The following GATA4 variants were observed in gnomAD, a reference collection of about 807,000 sequenced individuals.
The protein encoded by GATA4 is transcription factor GATA-4.
A neutral mutation model predicts 37.9 loss-of-function variants in GATA4; 7 were observed. That is an observed-to-expected ratio of 0.18 (90% CI 0.11 to 0.35). GATA4 has a LOEUF of 0.35. GATA4 is among the 10% of genes least tolerant of loss of function. GATA4 has a pLI of 1.00. For synonymous variants in GATA4, 372 were observed against 292.6 expected (o/e 1.27, Z -2.77); for missense variants, 647 against 653.0 (o/e 0.99, Z 0.10).
chr8:11,747,419 G>A (rs993099399), intron 2 of GATA4, among the ~76,000 whole-genome samples: 1 of 152,200 alleles, frequency 6.6e-6, no homozygotes, highest in Non-Finnish European at 1.5e-5. Context: ...GCAGACCCCG[G>A]CAGCCTTGTG....
Position 11,718,930 on chromosome 8 carries a change from C to G in GATA4, c.616+10002C>G, listed in dbSNP as rs563515773. 2.8e-4 allele frequency among the ~76,000 whole-genome samples: 42 copies of G among 152,332 alleles called. 1 individual carries two copies. The South Asian group carries it at 7.9e-3, about 29-fold the overall frequency. On this transcript the variant is annotated intron_variant, in intron 2 of 6. Coordinates refer to ENST00000532059, the MANE Select transcript of GATA4 (RefSeq NM_001308093.3). ...CCAGGAGGCGCTCATTGACCCATTC[C>G]GAGCAGGTGTGGGAGTTTGAACCAG...
intron 2 of GATA4, among the ~76,000 whole-genome samples, chr8:11,711,178 T>C (rs1182205242): frequency 6.6e-6 from 1 of 152,186 alleles, no homozygotes; most frequent in Non-Finnish European, 1.5e-5. Flanking sequence ...AGCCATGCCA[T>C]GTAGAGGTTG....
upstream of GATA4, among the ~76,000 whole-genome samples, chr8:11,701,963 C>T (rs1799691272): frequency 6.6e-6 from 1 of 152,206 alleles, no homozygotes. Flanking sequence ...GGCGTTCCCA[C>T]CCAGCGGTGT....
chr8:11,734,636 A>C (rs1421356789), intron 2 of GATA4, among the ~76,000 whole-genome samples: 1 of 152,118 alleles, frequency 6.6e-6, no homozygotes, highest in Non-Finnish European at 1.5e-5. Flanking sequence ...ACAGGCATGC[A>C]CCACCATGCT....
upstream of GATA4, among the ~76,000 whole-genome samples, chr8:11,688,634 G>C (rs1016431053): frequency 6.6e-6 from 1 of 152,198 alleles, no homozygotes; most frequent in African/African-American, 2.4e-5. Flanking sequence ...TGTGTGCATG[G>C]GGACAGGAGG....
chr8:11,697,922 C>T (rs948787408), intron 1 of GATA4: 6 of 985,500 alleles, frequency 6.1e-6, no homozygotes, highest in Non-Finnish European at 7.2e-6. Flanking sequence ...CCACCAGTCC[C>T]CTGATGTGCG....
intron 1 of GATA4, among the ~76,000 whole-genome samples, chr8:11,683,811 C>T (rs1397397731): frequency 6.6e-6 from 1 of 152,180 alleles, no homozygotes; most frequent in Non-Finnish European, 1.5e-5. Flanking sequence ...TGCAGGAATC[C>T]CTCCCCACAA....
intron 2 of GATA4, among the ~76,000 whole-genome samples, chr8:11,716,488 C>G (rs974698302): frequency 3.9e-5 from 6 of 152,196 alleles, no homozygotes; most frequent in African/African-American, 1.2e-4. Context: ...AAACCATCCT[C>G]AGTGGCAATC....
At chr8:11,697,552 TC>T in intron 1 of GATA4, 1 of 985,036 alleles carries the variant, frequency 1.0e-6, no homozygotes. Context: ...CACTTTCCCC[TC>T]CACCGCCAGG....
At position 11,687,079 on chromosome 8, in the gene GATA4, G is replaced by C. The variant is rs192124140; in HGVS notation, c.-274+10016G>C. Among the ~76,000 whole-genome samples, 422 of 152,228 alleles carry C rather than the reference G, an allele frequency of 2.8e-3. 3 individuals are homozygous for C. Among genetic ancestry groups the C allele is most frequent in the African/African-American group, 9.7e-3 (401 of 41,524 alleles). On this transcript the variant is annotated intron_variant, in intron 1 of 6. Transcript: ENST00000528712. ...GGGGATTAACTCCAAAGCCTGAGCAGACATCTGTGTTCTTGATGTGCAGAG... is the reference window on the plus strand; with the variant it reads ...GGGGATTAACTCCAAAGCCTGAGCACACATCTGTGTTCTTGATGTGCAGAG...
intron 2 of GATA4, among the ~76,000 whole-genome samples, chr8:11,738,180 CAAAAAAAAA>C (rs35759534): frequency 2.4e-5 from 2 of 82,444 alleles, no homozygotes; most frequent in Non-Finnish European, 5.9e-5. Context: ...GACTCTGTCT[CAAAAAAAAA>C]AAAAAAAAAT....
upstream of GATA4, among the ~76,000 whole-genome samples, chr8:11,699,459 A>T (rs960415854): frequency 4.6e-5 from 7 of 152,190 alleles, no homozygotes. Context: ...CAGTCTGGGA[A>T]CCAGACTCCC....
chr8:11,699,266 G>A (rs908218413), upstream of GATA4, among the ~76,000 whole-genome samples: 4 of 152,200 alleles, frequency 2.6e-5, no homozygotes, highest in African/African-American at 9.7e-5. Flanking sequence ...CATTTTACTA[G>A]TCCAGGGATG....
upstream of GATA4, among the ~76,000 whole-genome samples, chr8:11,700,965 A>G (rs1273364002): frequency 6.6e-6 from 1 of 152,228 alleles, no homozygotes; most frequent in African/African-American, 2.4e-5. Context: ...TCGGCGCTGG[A>G]AAACCATCAG....
chr8:11,751,981 T>C (rs961445295), intron 4 of GATA4, among the ~76,000 whole-genome samples: 1 of 152,218 alleles, frequency 6.6e-6, no homozygotes, highest in African/African-American at 2.4e-5. Flanking sequence ...TGATGACCTT[T>C]GAACCATTTA....
At chr8:11,747,133 G>C (rs1802070846) in intron 2 of GATA4, among the ~76,000 whole-genome samples, 1 of 152,210 alleles carries the variant, frequency 6.6e-6, no homozygotes, top group Admixed American at 6.5e-5. Context: ...CTTCACTAGA[G>C]AAAAATCTGC....
chr8:11,711,762 A>C lies in GATA4; in HGVS notation c.616+2834A>C, dbSNP rs1054046245. 4.0e-4 allele frequency among the ~76,000 whole-genome samples: 61 copies of C among 151,972 alleles called. 1 individual carries two copies. Among genetic ancestry groups the C allele is most frequent in the African/African-American group, 1.4e-3 (56 of 41,448 alleles). ...GACCCTCTCTCAAAAAAAAAAAAAA[A>C]AAAAAAAAAACCAGTGCATGTGAAT... On this transcript the variant is annotated intron_variant, in intron 2 of 6. Coordinates refer to ENST00000532059, the MANE Select transcript of GATA4 (RefSeq NM_001308093.3).
chr8:11,710,647 GC>G (rs1196893860), intron 2 of GATA4, among the ~76,000 whole-genome samples: 15 of 125,974 alleles, frequency 1.2e-4, no homozygotes, highest in Admixed American at 4.9e-4. Flanking sequence ...CCGAGATCGC[GC>G]CACTGCACTC....
chr8:11,696,630 C>T (rs937601711), intron 1 of GATA4, among the ~76,000 whole-genome samples: 1 of 152,198 alleles, frequency 6.6e-6, no homozygotes, highest in African/African-American at 2.4e-5. Flanking sequence ...ATATTTAGCT[C>T]TTCTTGTCCT....
Sources: allele counts gnomAD v4.1 joint callset (sites outside exome capture counted in the v4.1 genomes callset), GRCh38; gene constraint gnomAD v4.1.1; transcripts MANE v1.5; gene names NCBI Gene and HGNC (gene_info 2026-07-23, HGNC 2026-07-21).